Variants in DLGAP1 observed in about 807,000 individuals in gnomAD.
The protein encoded by DLGAP1 is DLG associated protein 1.
In DLGAP1, 11 loss-of-function variants were observed where a neutral mutation model predicts 90.8. The ratio of observed to expected loss-of-function variants is 0.12; its 90% CI spans 0.08 to 0.20. The LOEUF (loss-of-function observed/expected upper bound fraction) is 0.20. Among genes scored for constraint, DLGAP1 ranks in the 10% least tolerant of loss-of-function variants. DLGAP1 has a pLI of 1.00. For synonymous variants in DLGAP1, 558 were observed against 540.7 expected (o/e 1.03, Z -0.44); for missense variants, 1,050 against 1,333.8 (o/e 0.79, Z 3.31).
chr18:4,292,229 A>G (rs1409782175), intron 1 of DLGAP1, among the ~76,000 whole-genome samples: 1 of 152,178 alleles, frequency 6.6e-6, no homozygotes, highest in African/African-American at 2.4e-5. Flanking sequence ...CAGAGTAATA[A>G]AAAATGAATC....
At chr18:3,819,341 T>G (rs780150633) in intron 4 of DLGAP1, among the ~76,000 whole-genome samples, 8 of 152,088 alleles carry the variant, frequency 5.3e-5, no homozygotes, top group Non-Finnish European at 1.0e-4. Flanking sequence ...AAGAAAGAAA[T>G]AAACATCATC....
chr18:4,081,704 G>C (rs2075610957), intron 2 of DLGAP1, among the ~76,000 whole-genome samples: 1 of 152,172 alleles, frequency 6.6e-6, no homozygotes, highest in Non-Finnish European at 1.5e-5. Flanking sequence ...CAATGCACCA[G>C]GACAAACTTG....
chr18:3,923,115 CAGAG>C (rs2072302955), intron 3 of DLGAP1, among the ~76,000 whole-genome samples: 1 of 114,504 alleles, frequency 8.7e-6, no homozygotes, highest in African/African-American at 3.2e-5. Flanking sequence ...GCCTGGGCGA[CAGAG>C]AGAGAACCTG....
chr18:4,332,211 G>A (rs749489208), intron 1 of DLGAP1, among the ~76,000 whole-genome samples: 7 of 151,878 alleles, frequency 4.6e-5, no homozygotes, highest in South Asian at 2.1e-4. Context: ...CATATTAATC[G>A]AAACTTTAGT....
intron 1 of DLGAP1, among the ~76,000 whole-genome samples, chr18:4,168,389 A>G (rs1448008389): frequency 6.6e-6 from 1 of 152,180 alleles, no homozygotes; most frequent in Non-Finnish European, 1.5e-5. Context: ...CTATAAGCAA[A>G]AAAGATGAAC....
intron 1 of DLGAP1, among the ~76,000 whole-genome samples, chr18:4,216,929 G>T (rs2077970649): frequency 6.6e-6 from 1 of 151,936 alleles, no homozygotes; most frequent in Non-Finnish European, 1.5e-5. Context: ...CGTTTGTGTT[G>T]TACAGTTCAA....
At chr18:4,410,035 T>A (rs2144601503) in intron 1 of DLGAP1, among the ~76,000 whole-genome samples, 1 of 152,310 alleles carries the variant, frequency 6.6e-6, no homozygotes, top group South Asian at 2.1e-4. Context: ...AGACTATTAT[T>A]CTAAGTGAAG....
intron 2 of DLGAP1, among the ~76,000 whole-genome samples, chr18:4,065,651 A>G (rs897550986): frequency 6.6e-6 from 1 of 152,144 alleles, no homozygotes; most frequent in Non-Finnish European, 1.5e-5. Flanking sequence ...ACTACAAAGC[A>G]CTGCTCAAAT....
chr18:4,001,364 C>T (rs1232499599), intron 3 of DLGAP1, among the ~76,000 whole-genome samples: 1 of 151,246 alleles, frequency 6.6e-6, no homozygotes, highest in East Asian at 1.9e-4. Flanking sequence ...AAATATTAGG[C>T]TAAATTTTCT....
intron 7 of DLGAP1, among the ~76,000 whole-genome samples, chr18:3,661,483 G>T (rs1202313828): frequency 2.6e-5 from 4 of 152,152 alleles, no homozygotes; most frequent in Non-Finnish European, 5.9e-5. Flanking sequence ...TCCTGAGACG[G>T]TCCTGATGGA....
At chr18:3,590,173 G>A (rs549705587) in intron 7 of DLGAP1, among the ~76,000 whole-genome samples, 1 of 152,294 alleles carries the variant, frequency 6.6e-6, no homozygotes, top group East Asian at 1.9e-4. Context: ...GCCTCCCAAA[G>A]TGTTGGGATT....
At chr18:4,018,000 C>T (rs1408355298) in intron 2 of DLGAP1, among the ~76,000 whole-genome samples, 2 of 152,098 alleles carry the variant, frequency 1.3e-5, no homozygotes, top group Admixed American at 6.5e-5. Context: ...ATAATCTGGA[C>T]GCAGAAAATC....
chr18:4,397,907 T>G (rs559194268), intron 1 of DLGAP1, among the ~76,000 whole-genome samples: 2 of 152,252 alleles, frequency 1.3e-5, no homozygotes, highest in African/African-American at 4.8e-5. Flanking sequence ...AAAAAAAGGT[T>G]TTTTATAGAT....
chr18:3,581,206 A>G (rs2055489326), intron 8 of DLGAP1, among the ~76,000 whole-genome samples: 1 of 152,080 alleles, frequency 6.6e-6, no homozygotes, highest in South Asian at 2.1e-4. Flanking sequence ...AGAAGGAGGG[A>G]AATGAGGGGT....
intron 5 of DLGAP1, among the ~76,000 whole-genome samples, chr18:3,763,219 C>G (rs2064053672): frequency 6.6e-6 from 1 of 152,216 alleles, no homozygotes; most frequent in African/African-American, 2.4e-5. Flanking sequence ...AAAGACTAGA[C>G]TGGCTAAGTC....
chr18:4,103,004 T>C (rs2075804213), intron 2 of DLGAP1, among the ~76,000 whole-genome samples: 1 of 152,214 alleles, frequency 6.6e-6, no homozygotes, highest in Non-Finnish European at 1.5e-5. Flanking sequence ...ATGGAGTTCT[T>C]GCCCTGTCTC....
At chr18:4,007,808 T>C (rs561610600) in intron 2 of DLGAP1, among the ~76,000 whole-genome samples, 1 of 152,220 alleles carries the variant, frequency 6.6e-6, no homozygotes, top group Non-Finnish European at 1.5e-5. Flanking sequence ...TTATAAATAC[T>C]TATTGTGCAA....
chr18:4,247,645 C>T (rs943558239), intron 1 of DLGAP1, among the ~76,000 whole-genome samples: 1 of 152,030 alleles, frequency 6.6e-6, no homozygotes, highest in African/African-American at 2.4e-5. Flanking sequence ...GGCGTGGTGG[C>T]AGGCGCCTGT....
At chr18:3,600,851 T>TATATAG (rs1568278673) in intron 7 of DLGAP1, among the ~76,000 whole-genome samples, 1 of 69,518 alleles carries the variant, frequency 1.4e-5, no homozygotes, top group African/African-American at 6.7e-5. Context: ...TATATAGATA[T>TATATAG]ATAGATATAT....
Sources: allele counts gnomAD v4.1 joint callset (sites outside exome capture counted in the v4.1 genomes callset), GRCh38; gene constraint gnomAD v4.1.1; transcripts MANE v1.5; gene names NCBI Gene and HGNC (gene_info 2026-07-23, HGNC 2026-07-21).